The following BIRC6 variants were observed in gnomAD, a reference collection of about 807,000 sequenced individuals.
BIRC6 encodes the protein dual E2 ubiquitin-conjugating enzyme/E3 ubiquitin-protein ligase BIRC6.
BIRC6 carries 98 observed loss-of-function variants against 503.3 expected under a neutral mutation model. The ratio of observed to expected loss-of-function variants is 0.19; its 90% CI spans 0.17 to 0.23. The LOEUF is 0.23. Ranked by LOEUF, BIRC6 falls within the 10% of genes least tolerant of loss-of-function variation. BIRC6 has a pLI of 1.00. For synonymous variants in BIRC6, 2,240 were observed against 2,078.7 expected (o/e 1.08, Z -2.11); for missense variants, 5,360 against 5,806.0 (o/e 0.92, Z 2.50).
Position 32,415,793 on chromosome 2 carries a change from T to A in BIRC6, c.2502T>A (p.Thr834=), listed in dbSNP as rs1403734061. ...TGCTTTATAAAATGAATTATGCCAC[T>A]CGGATAGTGACTTTAGAAGAGGAGC... The part of the protein sequence containing the change: ...YLVLYKMNYA[T]RIVTLEEEPI... Residue 834 remains threonine, a synonymous_variant, in exon 10 of 74, where the codon ACT becomes ACA. Coordinates refer to ENST00000421745, the MANE Select transcript of BIRC6 (RefSeq NM_016252.4). 2 of 1,613,574 alleles carry A rather than the reference T, an allele frequency of 1.2e-6. No homozygotes were observed. The highest frequency in any genetic ancestry group is 4.5e-5 in the East Asian group (2 of 44,886).
rs372554372 is a variant in BIRC6, at chr2:32,477,498, G to A, written c.6983G>A (p.Cys2328Tyr). ...CCATTTACTCTGGCCCATGAGCGTTGTATCTCAGTAGTCCAGAAACTTGTT... is the reference window on the plus strand; with the variant it reads ...CCATTTACTCTGGCCCATGAGCGTTATATCTCAGTAGTCCAGAAACTTGTT... ...PLPFTLAHERCISVVQKLVLF... is the reference protein window; with the variant it reads ...PLPFTLAHERYISVVQKLVLF... The change falls in exon 35 of 74, where the codon TGT becomes TAT. Residue 2328 changes from cysteine to tyrosine, a missense_variant. By Grantham distance (194) the Cys-to-Tyr change is radical (BLOSUM62 -2). Around this residue, in one of 16 missense-constraint regions of BIRC6, gnomAD observed 2,299 missense variants for 2,267.2 expected, o/e 1.01. Coordinates refer to ENST00000421745, the MANE Select transcript of BIRC6 (RefSeq NM_016252.4). 2 of 1,613,918 alleles carry A rather than the reference G, an allele frequency of 1.2e-6. No individual in the cohort carries two copies. The highest frequency in any genetic ancestry group is 1.1e-5 in the South Asian group (1 of 91,078).
At chr2:32,551,164 G>A (rs1301189740) in intron 65 of BIRC6, among the ~76,000 whole-genome samples, 1 of 151,272 alleles carries the variant, frequency 6.6e-6, no homozygotes, top group East Asian at 1.9e-4. Flanking sequence ...TTGTTTTCAG[G>A]AAAACACAGC....
Position 32,487,279 on chromosome 2 carries a change from T to C in BIRC6, c.7814-368T>C, listed in dbSNP as rs1484283482. 2.0e-5 allele frequency among the ~76,000 whole-genome samples: 3 copies of C among 152,196 alleles called. No individual in the cohort carries two copies. The East Asian group carries it at 5.8e-4, about 29-fold the overall frequency. On this transcript the variant is annotated intron_variant, in intron 40 of 73. Transcript: ENST00000421745. ...TAGTCAAGGTTAAAGATGAATGAAC[T>C]AGAATCTAGATTATTCTAAAACTAC...
At chr2:32,445,934 C>A (rs1450333296) in intron 21 of BIRC6, among the ~76,000 whole-genome samples, 1 of 151,726 alleles carries the variant, frequency 6.6e-6, no homozygotes, top group Non-Finnish European at 1.5e-5. Flanking sequence ...CTCAGCTCAC[C>A]ACAACCTCCA....
intron 57 of BIRC6, 132 bp downstream of exon 57, chr2:32,519,078 T>C (rs573228556): frequency 6.7e-6 from 6 of 891,982 alleles, no homozygotes; most frequent in Non-Finnish European, 9.9e-6. Flanking sequence ...AAGACATCTT[T>C]ATAGTTTGAA....
intron 30 of BIRC6, 64 bp downstream of exon 30, chr2:32,469,678 A>G: frequency 1.4e-6 from 2 of 1,382,998 alleles, no homozygotes; most frequent in Non-Finnish European, 2.0e-6. Flanking sequence ...GTTACTGGTT[A>G]GCTTTTGAAA....
At chr2:32,610,162 G>A (rs1014701897) in intron 72 of BIRC6, among the ~76,000 whole-genome samples, 4 of 152,176 alleles carry the variant, frequency 2.6e-5, no homozygotes, top group Non-Finnish European at 4.4e-5. Flanking sequence ...ATTGGTGTTT[G>A]ACATTCATTC....
chr2:32,525,698 A>G, intron 59 of BIRC6, 70 bp downstream of exon 59: 1 of 1,455,970 alleles, frequency 6.9e-7, no homozygotes, highest in South Asian at 1.4e-5. Flanking sequence ...TCAGAGGCAC[A>G]GTCACCAAAA....
intron 73 of BIRC6, among the ~76,000 whole-genome samples, chr2:32,613,665 A>G (rs903295391): frequency 1.2e-4 from 18 of 152,182 alleles, no homozygotes; most frequent in African/African-American, 4.1e-4. Context: ...TGACTGATAG[A>G]CTATTAGATC....
intron 2 of BIRC6, chr2:32,378,871 GC>G (rs2037221536): frequency 6.6e-6 from 1 of 152,098 alleles, no homozygotes; most frequent in Non-Finnish European, 1.5e-5. Context: ...TTTAAGTCTA[GC>G]CCAACTTAAA....
chr2:32,606,919 A>G (rs1573343601), intron 71 of BIRC6, among the ~76,000 whole-genome samples: 2 of 151,910 alleles, frequency 1.3e-5, no homozygotes, highest in South Asian at 4.2e-4. Flanking sequence ...AGACAGGAGA[A>G]TCGCTTGAAT....
chr2:32,484,271 T>G (rs1210951699), intron 39 of BIRC6, among the ~76,000 whole-genome samples: 1 of 16,320 alleles, frequency 6.1e-5, no homozygotes, highest in African/African-American at 2.8e-4. Context: ...AAAAAATTAC[T>G]GGCCAGGTGC....
At chr2:32,597,709 A>G (rs1573282167) in intron 68 of BIRC6, 42 bp from the exon 69 acceptor site, 7 of 1,451,020 alleles carry the variant, frequency 4.8e-6, no homozygotes, top group South Asian at 1.2e-5. Flanking sequence ...CATTATAACA[A>G]TTTTTTGCAG....
At chr2:32,552,354 T>C (rs2058484801) in intron 65 of BIRC6, among the ~76,000 whole-genome samples, 2 of 152,238 alleles carry the variant, frequency 1.3e-5, no homozygotes, top group East Asian at 1.9e-4. Flanking sequence ...GCTGGTTAGC[T>C]AAGTCTGTTT....
chr2:32,443,590 T>C lies in BIRC6; in HGVS notation c.4336+2T>C. 1.9e-6 allele frequency: 3 copies of C among 1,581,460 alleles called. No individual in the cohort carries two copies. The highest frequency in any genetic ancestry group is 1.1e-5 in the South Asian group (1 of 86,958). The stretch of plus-strand genomic sequence containing the variant: ...TTTTACCTGCAGCAACAACTGGTGG[T>C]ATGTAAAATTAATTTAATCACAAAT... On this transcript the variant is annotated splice_donor_variant, in intron 20 of 73. Coordinates refer to ENST00000421745, the MANE Select transcript of BIRC6 (RefSeq NM_016252.4). LOFTEE classifies it high-confidence loss of function.
chr2:32,496,282 G>T (rs2052462112), intron 45 of BIRC6, among the ~76,000 whole-genome samples: 1 of 150,406 alleles, frequency 6.6e-6, no homozygotes, highest in Non-Finnish European at 1.5e-5. Flanking sequence ...ATGGAGTGCT[G>T]TGGCGTGATT....
rs1158638861 is a variant in BIRC6 at position 32,357,964 on chromosome 2, G to T, written c.325+478G>T. ...AGCCCTCCCTTGTGGGAGAGGAGCC[G>T]GCAGTCTGCTGTTCTCAGGTCCCGC... On this transcript the variant is annotated intron_variant, in intron 1 of 73. Coordinates refer to ENST00000421745, the MANE Select transcript of BIRC6 (RefSeq NM_016252.4). This position sits in a 1 kb window ranked among gnomAD's most constrained non-coding sequence, Gnocchi z 4.9. Among the ~76,000 whole-genome samples the T allele has an allele frequency of 7.1e-6, 1 of 140,000 alleles. No homozygotes were observed. Among genetic ancestry groups the T allele is most frequent in the Non-Finnish European group, 1.5e-5 (1 of 64,776 alleles). 91.8% of individuals were successfully genotyped at this position (140,000 alleles called of 152,430 possible). A position where few individuals can be genotyped will look rare whatever the true frequency, so the allele number is the denominator to read the frequency against.
intron 61 of BIRC6, among the ~76,000 whole-genome samples, chr2:32,537,344 T>C (rs1185889096): frequency 3.9e-5 from 6 of 152,138 alleles, no homozygotes; most frequent in South Asian, 2.1e-4. Context: ...TATTCCAAAA[T>C]TGACCACATA....
At chr2:32,505,448 C>T (rs1026067280) in intron 50 of BIRC6, 17 of 414,158 alleles carry the variant, frequency 4.1e-5, no homozygotes, top group African/African-American at 1.4e-4. Context: ...TATATTATTT[C>T]GCTTTCTCTT....
Sources: gnomAD v4.1 joint callset for allele counts (sites outside exome capture counted in the v4.1 genomes callset) on GRCh38, gnomAD v4.1.1 for gene constraint, gnomAD v4.1.1 regional missense constraint, Gnocchi (gnomAD v3.1) non-coding constraint, MANE v1.5 for transcripts, NCBI Gene and HGNC (gene_info 2026-07-23, HGNC 2026-07-21) for gene names.